GPHN: variants seen among roughly 807,000 people sequenced by gnomAD.
GPHN encodes the protein gephyrin.
A neutral mutation model predicts 95.5 loss-of-function variants in GPHN; 17 were observed. The observed-to-expected ratio is 0.18, with a 90% CI of 0.12 to 0.27. The LOEUF (loss-of-function observed/expected upper bound fraction) is 0.27, where lower values mean the gene tolerates loss of function less well. GPHN is among the 10% of genes least tolerant of loss of function. The probability of loss-of-function intolerance (pLI) is 1.00; values close to 1 mark genes in which losing one functional copy is unlikely to be tolerated. For synonymous variants in GPHN, 320 were observed against 322.5 expected, an observed-to-expected ratio of 0.99 and a Z score of 0.08; for missense variants, 660 against 978.1, an observed-to-expected ratio of 0.67 and a Z score of 4.34.
the GPHN span, among the ~76,000 whole-genome samples, chr14:67,359,452 G>A: frequency 6.6e-6 from 1 of 151,912 alleles, no homozygotes; most frequent in Admixed American, 6.6e-5. Flanking sequence ...CCTACCGGCT[G>A]GGATCGCTTC....
chr14:67,489,602 C>G, the GPHN span, among the ~76,000 whole-genome samples: 4 of 152,180 alleles, frequency 2.6e-5, no homozygotes, highest in Admixed American at 2.6e-4. Context: ...CACTCCTTTG[C>G]GATGCCGTCC....
chr14:67,364,496 A>G, the GPHN span: 1 of 339,982 alleles, frequency 2.9e-6, no homozygotes, highest in Non-Finnish European at 5.4e-6. Flanking sequence ...TACTTTATAG[A>G]TGGTCATTAT....
At chr14:67,202,126 T>G in the GPHN span, among the ~76,000 whole-genome samples, 1 of 152,292 alleles carries the variant, frequency 6.6e-6, no homozygotes, top group African/African-American at 2.4e-5. Context: ...AAGTCAGTTG[T>G]TAAACACAGC....
chr14:67,273,482 A>G, the GPHN span, among the ~76,000 whole-genome samples: 7 of 152,150 alleles, frequency 4.6e-5, no homozygotes, highest in African/African-American at 1.7e-4. Context: ...ATAGTATTCC[A>G]TGGTGTATGT....
chr14:67,224,885 G>A, the GPHN span: 1,028 of 381,940 alleles, frequency 2.7e-3, 14 homozygotes, highest in African/African-American at 0.021. Context: ...TAAAAAAGGA[G>A]GGAGCCCTCT....
At chr14:67,375,402 G>A in the GPHN span, among the ~76,000 whole-genome samples, 30 of 152,168 alleles carry the variant, frequency 2.0e-4, no homozygotes, top group Middle Eastern at 3.4e-3. Context: ...GATTACAGGC[G>A]TAAGCCAGTG....
At chr14:67,188,541 T>C in the GPHN span, among the ~76,000 whole-genome samples, 37 of 152,318 alleles carry the variant, frequency 2.4e-4, 1 homozygote, top group East Asian at 1.4e-3. Context: ...GCAATAAGTA[T>C]GCTCAATGAA....
chr14:67,578,872 A>G, the GPHN span, among the ~76,000 whole-genome samples: 1 of 152,222 alleles, frequency 6.6e-6, no homozygotes, highest in Admixed American at 6.5e-5. The surrounding 1 kb of genome is among the most constrained non-coding windows in gnomAD (Gnocchi z 5.0). Flanking sequence ...TCTCACATGA[A>G]GCCACACTGC....
the GPHN span, chr14:67,200,270 C>A: frequency 2.6e-6 from 2 of 775,550 alleles, no homozygotes; most frequent in Non-Finnish European, 4.2e-6. Flanking sequence ...CAACCAGGCC[C>A]ACTCCCCAGC....
At chr14:67,129,537 A>T (rs541698250) in intron 17 of GPHN, among the ~76,000 whole-genome samples, 1 of 152,206 alleles carries the variant, frequency 6.6e-6, no homozygotes, top group African/African-American at 2.4e-5. Flanking sequence ...CTATTTTGCA[A>T]TTGCTCAAAT....
the GPHN span, chr14:67,317,313 GAATA>G: frequency 5.3e-6 from 6 of 1,142,590 alleles, no homozygotes; most frequent in South Asian, 1.5e-5. Flanking sequence ...AAAATTTAAA[GAATA>G]AATGAATGAA....
rs948104644 is a variant in GPHN at position 66,580,085 on chromosome 14, A to C, written c.64+71494A>C. On this transcript the variant is annotated intron_variant, in intron 1 of 22. Coordinates refer to ENST00000478722, the MANE Select transcript of GPHN (RefSeq NM_020806.5). Reference sequence around the variant, plus strand: ...ATAGGAAGAATTTCAAAAAATTGCAAATATATGGAAATTAAACAACATGCT... The same window carrying C: ...ATAGGAAGAATTTCAAAAAATTGCACATATATGGAAATTAAACAACATGCT... Among the ~76,000 whole-genome samples the C allele has an allele frequency of 5.9e-5, 9 of 151,888 alleles. No individual in the cohort carries two copies. The South Asian group carries it at 6.2e-4, about 10-fold the overall frequency.
intron 2 of GPHN, among the ~76,000 whole-genome samples, chr14:66,731,830 G>T (rs2071793349): frequency 6.6e-6 from 1 of 152,188 alleles, no homozygotes; most frequent in Non-Finnish European, 1.5e-5. Context: ...CGTGGGCTGG[G>T]CCCTGAGCCC....
At chr14:67,442,265 A>C in the GPHN span, among the ~76,000 whole-genome samples, 11 of 152,106 alleles carry the variant, frequency 7.2e-5, no homozygotes, top group African/African-American at 2.4e-4. Context: ...AGGTCAACCC[A>C]CTGAACCAAG....
intron 1 of GPHN, among the ~76,000 whole-genome samples, chr14:66,571,146 A>G (rs897634417): frequency 6.6e-6 from 1 of 152,172 alleles, no homozygotes; most frequent in Non-Finnish European, 1.5e-5. Flanking sequence ...GCCTCAGGAA[A>G]CTTAACAATC....
chr14:66,584,760 C>G (rs1448117713), intron 1 of GPHN, among the ~76,000 whole-genome samples: 1 of 152,066 alleles, frequency 6.6e-6, no homozygotes, highest in African/African-American at 2.4e-5. Flanking sequence ...GGTGGATAAG[C>G]TTTTTGATGT....
the GPHN span, among the ~76,000 whole-genome samples, chr14:67,477,166 CAAAA>C: frequency 7.3e-6 from 1 of 137,124 alleles, no homozygotes. Context: ...AACTCCATCT[CAAAA>C]AAAAAAAAAA....
the GPHN span, among the ~76,000 whole-genome samples, chr14:67,468,339 CCT>C: frequency 2.0e-5 from 3 of 152,158 alleles, no homozygotes; most frequent in Admixed American, 6.5e-5. Flanking sequence ...ACTCCTTTTT[CCT>C]CTGTTTCCCT....
chr14:67,462,006 T>C, the GPHN span, among the ~76,000 whole-genome samples: 1 of 152,354 alleles, frequency 6.6e-6, no homozygotes, highest in Non-Finnish European at 1.5e-5. Context: ...AGGGAGGCTC[T>C]GGGCACCAGC....
Sources: gnomAD v4.1 joint callset for allele counts (sites outside exome capture counted in the v4.1 genomes callset) on GRCh38, gnomAD v4.1.1 for gene constraint, Gnocchi (gnomAD v3.1) non-coding constraint, MANE v1.5 for transcripts, NCBI Gene and HGNC (gene_info 2026-07-23, HGNC 2026-07-21) for gene names.